P3H2: variants seen among roughly 807,000 people sequenced by gnomAD.
P3H2 encodes the protein prolyl 3-hydroxylase 2, also known as leprecan-like 1.
A neutral mutation model predicts 87.0 loss-of-function variants in P3H2; 80 were observed. The observed-to-expected ratio is 0.92, with a 90% confidence interval of 0.77 to 1.11. The LOEUF (loss-of-function observed/expected upper bound fraction) is 1.11, where lower values mean the gene tolerates loss of function less well. P3H2 is among the 50% of genes least tolerant of loss of function. The pLI is 0.00. For missense variants in P3H2, 1,001 were observed against 923.9 expected (o/e 1.08, Z -1.08); for synonymous variants, 367 against 359.3 (o/e 1.02, Z -0.24).
In P3H2 at chr3:189,973,116, T is replaced by C. The variant is rs1723228564; in HGVS notation, c.1549-92A>G. 5 of 1,160,950 alleles carry C rather than the reference T, an allele frequency of 4.3e-6. No individual in the cohort carries two copies. The South Asian group carries it at 5.5e-5, about 13-fold the overall frequency. 71.9% of individuals were successfully genotyped at this position (1,160,950 alleles called of 1,614,324 possible). On this transcript the variant is annotated intron_variant, in intron 10 of 14. Coordinates refer to ENST00000319332, the MANE Select transcript of P3H2 (RefSeq NM_018192.4). Reference sequence around the variant, plus strand: ...TAGCTTGCATTGAGCCAATATAGGATTGTCATGTCTGTATTGACTAATGGG... The same window carrying C: ...TAGCTTGCATTGAGCCAATATAGGACTGTCATGTCTGTATTGACTAATGGG...
chr3:190,033,624 T>A (rs1725325414), intron 1 of P3H2, among the ~76,000 whole-genome samples: 1 of 152,202 alleles, frequency 6.6e-6, no homozygotes, highest in African/African-American at 2.4e-5. Context: ...CATTTCAATC[T>A]TCATTTGCAA....
At chr3:190,107,084 C>CT (rs1446681332) in intron 1 of P3H2, among the ~76,000 whole-genome samples, 2 of 152,116 alleles carry the variant, frequency 1.3e-5, no homozygotes, top group African/African-American at 2.4e-5. Flanking sequence ...TCTTCAAAAT[C>CT]TGTTTTGAAA....
intron 1 of P3H2, among the ~76,000 whole-genome samples, chr3:190,035,617 C>T (rs989437914): frequency 6.6e-5 from 10 of 151,992 alleles, no homozygotes; most frequent in African/African-American, 2.2e-4. Context: ...TAATCTTATG[C>T]GTTTTATTTT....
At chr3:190,019,581 A>T in intron 1 of P3H2, among the ~76,000 whole-genome samples, 1 of 78,016 alleles carries the variant, frequency 1.3e-5, no homozygotes, top group African/African-American at 3.6e-5. Context: ...ATTACCATTA[A>T]TTTTGCACAT....
intron 1 of P3H2, chr3:190,116,666 T>C (rs1175735051): frequency 6.6e-6 from 1 of 152,238 alleles, no homozygotes; most frequent in African/African-American, 2.4e-5. Context: ...GTAACCTATT[T>C]GAGCTTTATA....
chr3:190,073,106 T>G (rs6778048), intron 1 of P3H2, among the ~76,000 whole-genome samples: 34,445 of 152,094 alleles, frequency 0.23, 4,094 homozygotes, highest in African/African-American at 0.3. Flanking sequence ...GTGGTGAAAA[T>G]ATTTATTATC....
At chr3:190,013,046 T>G (rs1035982619) in intron 1 of P3H2, among the ~76,000 whole-genome samples, 5 of 152,218 alleles carry the variant, frequency 3.3e-5, no homozygotes, top group Non-Finnish European at 2.9e-5. Context: ...TTCATATGGT[T>G]GTTCACGCAT....
intron 1 of P3H2, among the ~76,000 whole-genome samples, chr3:190,028,767 T>C (rs1725163434): frequency 6.6e-6 from 1 of 152,270 alleles, no homozygotes; most frequent in Non-Finnish European, 1.5e-5. Flanking sequence ...ATTTTAATAA[T>C]TGTTTGAATG....
At position 190,049,645 on chromosome 3, in the gene P3H2, T is replaced by C. The variant is rs765775741; in HGVS notation, c.481-54203A>G. On this transcript the variant is annotated intron_variant, in intron 1 of 14. Coordinates refer to ENST00000319332, the MANE Select transcript of P3H2 (RefSeq NM_018192.4). ...GCCTTCATAAAAACTCTTTCAAAATTGTCACCTATCTATAAATAAGACTTA... is the reference window on the plus strand; with the variant it reads ...GCCTTCATAAAAACTCTTTCAAAATCGTCACCTATCTATAAATAAGACTTA... 7.2e-5 allele frequency among the ~76,000 whole-genome samples: 11 copies of C among 152,196 alleles called. No homozygotes were observed. In the South Asian group the frequency reaches 1.2e-3, roughly 17 times the overall value.
chr3:190,101,247 TCA>T (rs537281505), intron 1 of P3H2, among the ~76,000 whole-genome samples: 148 of 150,320 alleles, frequency 9.8e-4, no homozygotes, highest in Non-Finnish European at 1.8e-3. Context: ...AAGTTAAGAG[TCA>T]CATATCTCTC....
At chr3:189,981,925 G>C (rs768209250) in intron 8 of P3H2, among the ~76,000 whole-genome samples, 1 of 152,102 alleles carries the variant, frequency 6.6e-6, no homozygotes, top group Admixed American at 6.6e-5. Flanking sequence ...CCTGTTTACT[G>C]GTTCAAAACT....
At chr3:190,010,758 C>T (rs1418886620) in intron 1 of P3H2, among the ~76,000 whole-genome samples, 1 of 152,174 alleles carries the variant, frequency 6.6e-6, no homozygotes, top group Non-Finnish European at 1.5e-5. Flanking sequence ...CTGAAAATAA[C>T]AAGTTTGGCA....
intron 14 of P3H2, among the ~76,000 whole-genome samples, chr3:189,958,653 C>T (rs1577238411): frequency 6.6e-6 from 1 of 151,810 alleles, no homozygotes; most frequent in Non-Finnish European, 1.5e-5. Context: ...CCCCCACCAA[C>T]CCCCAGATAT....
chr3:190,022,888 G>T (rs866789072), intron 1 of P3H2, among the ~76,000 whole-genome samples: 1 of 151,904 alleles, frequency 6.6e-6, no homozygotes, highest in African/African-American at 2.4e-5. Context: ...GTGCAGTGGC[G>T]CGATCTCGGC....
At position 190,020,227 on chromosome 3, in the gene P3H2, T is replaced by C. The variant is rs1257139147; in HGVS notation, c.481-24785A>G. ...TAGGTTTCAGGAAACCTACACCAGG[T>C]ATCTGAACAGCACTGGATATGAAAT... is the stretch of plus-strand genomic sequence containing the variant. On this transcript the variant is annotated intron_variant, in intron 1 of 14. Coordinates refer to ENST00000319332, the MANE Select transcript of P3H2 (RefSeq NM_018192.4). Among the ~76,000 whole-genome samples the C allele has an allele frequency of 2.2e-5, 3 of 134,026 alleles. 1 individual carries two copies. Among genetic ancestry groups the C allele is most frequent in the Non-Finnish European group, 5.0e-5 (3 of 60,214 alleles). The allele number at this position is 134,026 out of a possible 152,430, so 87.9% of individuals were successfully genotyped here.
At chr3:190,002,365 A>G (rs556178562) in intron 1 of P3H2, among the ~76,000 whole-genome samples, 60 of 151,412 alleles carry the variant, frequency 4.0e-4, no homozygotes, top group Admixed American at 5.9e-4. Context: ...TACAGTAACT[A>G]TATTATATTA....
At chr3:190,053,082 G>A (rs983573955) in intron 1 of P3H2, among the ~76,000 whole-genome samples, 2 of 152,132 alleles carry the variant, frequency 1.3e-5, no homozygotes, top group Non-Finnish European at 2.9e-5. Context: ...ATCAACAGCT[G>A]ACTCCTTTGA....
chr3:190,041,078 A>T (rs1255641786), intron 1 of P3H2, among the ~76,000 whole-genome samples: 1,163 of 44,674 alleles, frequency 0.026, 113 homozygotes, highest in African/African-American at 0.12. Flanking sequence ...ACACACACAC[A>T]CACTCTCTCT....
chr3:190,103,026 C>G (rs927742760), intron 1 of P3H2, among the ~76,000 whole-genome samples: 2 of 152,132 alleles, frequency 1.3e-5, no homozygotes, highest in African/African-American at 2.4e-5. Flanking sequence ...AAGGTATGTA[C>G]ATTGTTTTTT....
Sources: gnomAD v4.1 joint callset for allele counts (sites outside exome capture counted in the v4.1 genomes callset) on GRCh38, gnomAD v4.1.1 for gene constraint, MANE v1.5 for transcripts, NCBI Gene and HGNC (gene_info 2026-07-23, HGNC 2026-07-21) for gene names.